Variants in ARAP1 observed in about 807,000 individuals in gnomAD.
ARAP1 encodes ArfGAP with RhoGAP domain, ankyrin repeat and PH domain 1.
ARAP1 carries 76 observed loss-of-function variants against 172.2 expected under a neutral mutation model. The ratio of observed to expected loss-of-function variants is 0.44; its 90% CI spans 0.37 to 0.53. The LOEUF (loss-of-function observed/expected upper bound fraction) is 0.53. Ranked by LOEUF, ARAP1 falls within the 20% of genes least tolerant of loss-of-function variation. The pLI, the probability that ARAP1 is intolerant of heterozygous loss-of-function variation, is 0.00. For missense variants in ARAP1, 1,686 were observed against 1,977.5 expected, an observed-to-expected ratio of 0.85 and a Z score of 2.80; for synonymous variants, 804 against 803.3, an observed-to-expected ratio of 1.00 and a Z score of -0.01.
intron 32 of ARAP1, 44 bp from the exon 33 acceptor site, chr11:72,687,546 T>A: frequency 6.2e-7 from 1 of 1,613,936 alleles, no homozygotes; most frequent in Non-Finnish European, 8.5e-7. Context: ...AAGGCCTGAC[T>A]GAGCAGGGAA....
intron 30 of ARAP1, among the ~76,000 whole-genome samples, chr11:72,689,201 C>G (rs1233606256): frequency 1.3e-5 from 2 of 152,194 alleles, no homozygotes; most frequent in Admixed American, 6.5e-5. Flanking sequence ...GGAGGGACAC[C>G]AGATTGCCAA....
At chr11:72,729,079 C>G (rs72964181) in intron 2 of ARAP1, among the ~76,000 whole-genome samples, 12,826 of 152,160 alleles carry the variant, frequency 0.084, 655 homozygotes, top group South Asian at 0.16. Context: ...AGTGCATGAA[C>G]AGACAGATCA....
chr11:72,712,038 C>T (rs558444877), intron 7 of ARAP1, among the ~76,000 whole-genome samples, 158 bp downstream of exon 7: 3 of 152,268 alleles, frequency 2.0e-5, no homozygotes, highest in African/African-American at 7.2e-5. Flanking sequence ...TGGAGGGAAT[C>T]ATCAGTGGTC....
Position 72,697,006 on chromosome 11 carries a change from C to A in ARAP1, c.3143G>T (p.Arg1048Leu). Residue 1048 changes from arginine (R) to leucine (L), a missense_variant, in exon 22 of 35, where the codon CGC (arginine) becomes CTC (leucine). Around this residue, in one of 5 missense-constraint regions of ARAP1, gnomAD observed 274 missense variants for 262.7 expected, o/e 1.04. Coordinates refer to ENST00000393609, the MANE Select transcript of ARAP1 (RefSeq NM_001040118.3). Reference protein sequence around the residue: ...LPDGLFTRAQRLTWLEASEIE... With the variant: ...LPDGLFTRAQLLTWLEASEIE... ...ACCTGAGGCCTCCAGCCAGGTTAGGCGCTGGGCGCGAGTGAAGAGCCCATC... is the reference window on the plus strand; with the variant it reads ...ACCTGAGGCCTCCAGCCAGGTTAGGAGCTGGGCGCGAGTGAAGAGCCCATC... 6.2e-7 allele frequency: 1 copy of A among 1,607,352 alleles called. No individual in the cohort carries two copies. The highest frequency in any genetic ancestry group is 8.5e-7 in the Non-Finnish European group (1 of 1,179,764).
Position 72,695,020 on chromosome 11 carries a change from G to C in ARAP1, c.3654C>G (p.Asp1218Glu). The change falls in exon 27 of 35, where the codon GAC (aspartate) becomes GAG (glutamate). Residue 1218 changes from aspartate (D) to glutamate (E), a missense_variant. By Grantham distance (45) the Asp-to-Glu change is conservative. Around this residue, in one of 5 missense-constraint regions of ARAP1, gnomAD observed 379 missense variants for 500.1 expected, o/e 0.76. Coordinates refer to ENST00000393609, the MANE Select transcript of ARAP1 (RefSeq NM_001040118.3). The surrounding 1 kb of genome is among the most constrained non-coding windows in gnomAD (Gnocchi z 4.4). ...DRRNVGIREK[D>E]YWTCFEVNER... Reference sequence around the variant, plus strand: ...CGTTGACCTCAAAGCAGGTCCAATAGTCCTTCTCCCTGATGCCCACGTTCC... The same window carrying C: ...CGTTGACCTCAAAGCAGGTCCAATACTCCTTCTCCCTGATGCCCACGTTCC... 1 of 1,614,112 alleles carries C rather than the reference G, an allele frequency of 6.2e-7. No homozygotes were observed. Among genetic ancestry groups the C allele is most frequent in the South Asian group, 1.1e-5 (1 of 91,078 alleles).
At chr11:72,721,899 C>G in intron 3 of ARAP1, 1 of 985,870 alleles carries the variant, frequency 1.0e-6, no homozygotes, top group Non-Finnish European at 1.2e-6. Context: ...CAGCTCCGGC[C>G]AGGCGGGCTG....
In ARAP1 at chr11:72,687,361, A is replaced by G. The variant is rs1855735907; in HGVS notation, c.4185+78T>C. On this transcript the variant is annotated intron_variant, in intron 33 of 34. Transcript: ENST00000393609. ...TGAAGCAAGGGGTGGGTTGAATAGC[A>G]CAGAAGCCAATGTCCCCATTCTCCA... 4 of 1,569,328 alleles carry G rather than the reference A, an allele frequency of 2.5e-6. No homozygotes were observed. The Admixed American group carries it at 6.7e-5, about 26-fold the overall frequency.
chr11:72,714,371 G>A (rs1857180887), intron 3 of ARAP1, 50 bp from the exon 4 acceptor site: 2 of 1,513,340 alleles, frequency 1.3e-6, no homozygotes, highest in Non-Finnish European at 1.8e-6. Flanking sequence ...AGCCAAGACT[G>A]AAACATACTG....
At chr11:72,722,097 G>A (rs1171475695) in intron 3 of ARAP1, 8 of 985,422 alleles carry the variant, frequency 8.1e-6, no homozygotes, top group East Asian at 1.1e-4. Context: ...ACTTCTCTAC[G>A]TGCGTGTGTG....
At chr11:72,745,012 C>T (rs977917137) in intron 1 of ARAP1, among the ~76,000 whole-genome samples, 2 of 152,126 alleles carry the variant, frequency 1.3e-5, no homozygotes, top group African/African-American at 2.4e-5. Flanking sequence ...TCACCAAGCA[C>T]GGGAGCCGCT....
intron 13 of ARAP1, chr11:72,705,522 G>T: frequency 2.6e-6 from 1 of 378,972 alleles, no homozygotes; most frequent in Non-Finnish European, 4.7e-6. Context: ...AATTATTTTC[G>T]GCTTTACAGA....
chr11:72,704,526 C>T, intron 13 of ARAP1, 192 bp from the exon 14 acceptor site: 4 of 609,046 alleles, frequency 6.6e-6, no homozygotes, highest in South Asian at 2.1e-5. Context: ...GCACTGGGCT[C>T]TGAGCCTAGG....
chr11:72,714,031 C>T (rs1857163901), intron 4 of ARAP1, 121 bp downstream of exon 4: 3 of 1,146,436 alleles, frequency 2.6e-6, no homozygotes, highest in Non-Finnish European at 3.5e-6. Context: ...CGGGGCCACA[C>T]AGTGGGCTGG....
chr11:72,722,409 C>G, intron 3 of ARAP1: 2 of 961,438 alleles, frequency 2.1e-6, no homozygotes, highest in Non-Finnish European at 2.5e-6. Flanking sequence ...CAGGCTGCAC[C>G]CCCACCCAAG....
At position 72,693,166 on chromosome 11, in the gene ARAP1, A is replaced by G; in HGVS notation, c.3954+159T>C. On this transcript the variant is annotated intron_variant, in intron 29 of 34. Transcript: ENST00000393609. This position sits in a 1 kb window ranked among gnomAD's most constrained non-coding sequence, Gnocchi z 4.6. Reference sequence around the variant, plus strand: ...CACTAGAGTGGCCGTCCAGGGCCACAGCAGGAGGGGTCTTGAGAGTCTACA... The same window carrying G: ...CACTAGAGTGGCCGTCCAGGGCCACGGCAGGAGGGGTCTTGAGAGTCTACA... 8.4e-7 allele frequency: 1 copy of G among 1,184,360 alleles called. No homozygotes were observed. Among genetic ancestry groups the G allele is most frequent in the Non-Finnish European group, 1.2e-6 (1 of 864,488 alleles). 73.4% of individuals were successfully genotyped at this position (1,184,360 alleles called of 1,614,324 possible).
intron 32 of ARAP1, 26 bp from the exon 33 acceptor site, chr11:72,687,528 T>A (rs1855742567): frequency 1.2e-6 from 2 of 1,614,102 alleles, no homozygotes; most frequent in East Asian, 4.5e-5. Flanking sequence ...CGGACCCACA[T>A]GATGCCAAAG....
rs1180581303 is a variant in ARAP1 at position 72,688,554 on chromosome 11, A to G, written c.3988-17T>C. The G allele has an allele frequency of 1.2e-6, 2 of 1,606,476 alleles. No homozygotes were observed. The highest frequency in any genetic ancestry group is 1.7e-6 in the Non-Finnish European group (2 of 1,175,762). On this transcript the variant is annotated splice_polypyrimidine_tract_variant and intron_variant, in intron 30 of 34. Transcript: ENST00000393609. ...CCGGTGACTCTGAGGTAGGGCAAGGAGAAGAGGGCACTTTAGTCTGCAGAA... is the reference window on the plus strand; with the variant it reads ...CCGGTGACTCTGAGGTAGGGCAAGGGGAAGAGGGCACTTTAGTCTGCAGAA...
intron 3 of ARAP1, among the ~76,000 whole-genome samples, chr11:72,714,963 A>G (rs1449933005): frequency 3.9e-5 from 6 of 152,128 alleles, no homozygotes; most frequent in Non-Finnish European, 8.8e-5. Context: ...CCCTCCCCTG[A>G]TTCTCCAAGG....
intron 7 of ARAP1, among the ~76,000 whole-genome samples, chr11:72,711,752 G>A (rs1166153656): frequency 6.8e-6 from 1 of 147,126 alleles, no homozygotes; most frequent in Non-Finnish European, 1.5e-5. Context: ...CTGGAAGGCA[G>A]TAGTACAGGC....
Sources: gnomAD v4.1 joint callset for allele counts (sites outside exome capture counted in the v4.1 genomes callset) on GRCh38, gnomAD v4.1.1 for gene constraint, gnomAD v4.1.1 regional missense constraint, Gnocchi (gnomAD v3.1) non-coding constraint, MANE v1.5 for transcripts, NCBI Gene and HGNC (gene_info 2026-07-23, HGNC 2026-07-21) for gene names.